The following NLGN4X variants were observed in gnomAD, a reference collection of about 807,000 sequenced individuals.
NLGN4X encodes neuroligin-4, X-linked.
A neutral mutation model predicts 40.3 loss-of-function variants in NLGN4X; 3 were observed. That is an observed-to-expected ratio of 0.07 (90% CI 0.03 to 0.19). NLGN4X has a LOEUF of 0.19. Ranked by LOEUF, NLGN4X falls within the 10% of genes least tolerant of loss-of-function variation. The pLI is 1.00. For missense variants in NLGN4X, 382 were observed against 708.3 expected (o/e 0.54, Z 5.23); for synonymous variants, 270 against 306.8 (o/e 0.88, Z 1.25).
chrX:5,941,951 T>C (rs1006986771), intron 3 of NLGN4X, among the ~76,000 whole-genome samples: 2 of 111,969 alleles, frequency 1.8e-5, no homozygotes, highest in African/African-American at 6.5e-5. Flanking sequence ...TGTTGAGTCT[T>C]TTAAATTAAA....
At chrX:6,047,977 G>A (rs1412224093) in intron 2 of NLGN4X, among the ~76,000 whole-genome samples, 1 of 111,444 alleles carries the variant, frequency 9.0e-6, no homozygotes, top group Admixed American at 9.5e-5. Flanking sequence ...GAAAGCCTGG[G>A]CCCCTGGAAG....
intron 1 of NLGN4X, among the ~76,000 whole-genome samples, chrX:6,178,824 CT>C (rs1415842005): frequency 1.8e-5 from 2 of 111,269 alleles, no homozygotes; most frequent in African/African-American, 6.6e-5. Context: ...TACTACGTGG[CT>C]GGGCGTGGCG....
At chrX:6,048,131 T>A (rs752744139) in intron 2 of NLGN4X, among the ~76,000 whole-genome samples, 1 of 111,761 alleles carries the variant, frequency 8.9e-6, no homozygotes, top group African/African-American at 3.3e-5. Context: ...CTCTGTGAAA[T>A]GTCTTTATGA....
At position 5,968,483 on chromosome X, in the gene NLGN4X, G is replaced by C. The variant is rs1481774093; in HGVS notation, c.626-59244C>G. On this transcript the variant is annotated intron_variant, in intron 3 of 5. Coordinates refer to ENST00000381095, the MANE Select transcript of NLGN4X (RefSeq NM_181332.3). ...TGTGTGTGTGTGTGTGTGTGTGTGTGTGTGTGTGTGTGTGTGTGTGTGTGT... is the reference window on the plus strand; with the variant it reads ...TGTGTGTGTGTGTGTGTGTGTGTGTCTGTGTGTGTGTGTGTGTGTGTGTGT... Among the ~76,000 whole-genome samples the C allele has an allele frequency of 2.1e-4, 18 of 84,733 alleles. 1 individual carries two copies. Among genetic ancestry groups the C allele is most frequent in the South Asian group, 7.2e-4 (1 of 1,385 alleles). The allele number at this position is 84,733 out of a possible 115,157, so 73.6% of individuals were successfully genotyped here. A position where few individuals can be genotyped will look rare whatever the true frequency, so the allele number is the denominator to read the frequency against.
At chrX:6,081,323 C>T (rs754062282) in intron 2 of NLGN4X, among the ~76,000 whole-genome samples, 1 of 111,819 alleles carries the variant, frequency 8.9e-6, no homozygotes, top group East Asian at 2.8e-4. Flanking sequence ...CATTATGTTG[C>T]CTGGGCTGGT....
At chrX:5,982,864 C>A (rs6638586) in intron 3 of NLGN4X, among the ~76,000 whole-genome samples, 7,537 of 111,443 alleles carry the variant, frequency 0.068, 636 homozygotes, top group African/African-American at 0.23. Flanking sequence ...TCTCAAAACA[C>A]AATACAAACA....
At chrX:6,199,658 C>G (rs1041709393) in intron 1 of NLGN4X, among the ~76,000 whole-genome samples, 2 of 111,734 alleles carry the variant, frequency 1.8e-5, no homozygotes, top group African/African-American at 6.5e-5. Flanking sequence ...CCTGAACTTT[C>G]TTAGACTGCA....
intron 3 of NLGN4X, among the ~76,000 whole-genome samples, chrX:6,009,779 GT>G (rs1210345746): frequency 8.9e-6 from 1 of 112,222 alleles, no homozygotes; most frequent in Non-Finnish European, 1.9e-5. Context: ...AATGTGGTTG[GT>G]TGTCCAGGCC....
chrX:5,963,888 A>T (rs1485857731), intron 3 of NLGN4X, among the ~76,000 whole-genome samples: 1 of 111,893 alleles, frequency 8.9e-6, no homozygotes, highest in Non-Finnish European at 1.9e-5. Flanking sequence ...TCTATAAAAA[A>T]CCCAAGCATT....
intron 2 of NLGN4X, among the ~76,000 whole-genome samples, chrX:6,135,815 C>A (rs1189997467): frequency 8.9e-6 from 1 of 111,763 alleles, no homozygotes; most frequent in Admixed American, 9.5e-5. Flanking sequence ...AACATGGCGC[C>A]AAAGTGCCAG....
chrX:6,021,379 G>C (rs1031261442), intron 3 of NLGN4X, among the ~76,000 whole-genome samples: 2 of 110,471 alleles, frequency 1.8e-5, no homozygotes, highest in East Asian at 2.9e-4. Flanking sequence ...CCTGGTGAGA[G>C]AGTCCTTATC....
intron 2 of NLGN4X, among the ~76,000 whole-genome samples, chrX:6,080,611 T>A (rs1039253240): frequency 9.0e-6 from 1 of 111,452 alleles, no homozygotes; most frequent in African/African-American, 3.3e-5. Flanking sequence ...TTTCACACCA[T>A]AATTAGCTTC....
chrX:6,111,576 T>C (rs1290836009), intron 2 of NLGN4X, among the ~76,000 whole-genome samples: 3 of 110,809 alleles, frequency 2.7e-5, no homozygotes, highest in Non-Finnish European at 3.8e-5. Flanking sequence ...TCATCGCTAC[T>C]AAAAATTAAA....
chrX:6,226,148 CCCGGCGCACCGCAGGG>C (rs1569309800), intron 1 of NLGN4X, among the ~76,000 whole-genome samples: 12 of 107,984 alleles, frequency 1.1e-4, no homozygotes, highest in Admixed American at 5.8e-4. Context: ...AGTTGCAAGC[CCCGGCGCACCGCAGGG>C]GCCAAAACCC....
Position 5,892,715 on chromosome X carries a change from C to T in NLGN4X, c.*102G>A, listed in dbSNP as rs3810688. 0.32 allele frequency: 350,743 copies of T among 1,112,611 alleles called. 41,117 individuals are homozygous for T. Among genetic ancestry groups the T allele is most frequent in the African/African-American group, 0.61 (33,168 of 54,417 alleles). 91.7% of individuals were successfully genotyped at this position (1,112,611 alleles called of 1,213,427 possible). ...TCAGTGGGACAAAAACATTCCTGGT[C>T]TGGAGACTTTCTTTCTCTCTCTCTT... On this transcript the variant is annotated 3_prime_UTR_variant, in exon 6 of 6. Coordinates refer to ENST00000381095, the MANE Select transcript of NLGN4X (RefSeq NM_181332.3).
intron 3 of NLGN4X, among the ~76,000 whole-genome samples, chrX:5,990,080 CT>C (rs2035640294): frequency 6.5e-5 from 1 of 15,375 alleles, no homozygotes; most frequent in Non-Finnish European, 1.7e-4. Context: ...CTATTTTCCT[CT>C]CTCTCTCTCT....
intron 3 of NLGN4X, among the ~76,000 whole-genome samples, chrX:5,959,308 A>C (rs1157509371): frequency 4.4e-5 from 5 of 112,393 alleles, no homozygotes; most frequent in African/African-American, 1.6e-4. Flanking sequence ...TCAAAGGCAT[A>C]GGCATTTCTG....
At chrX:5,908,719 G>T (rs141400560) in intron 4 of NLGN4X, among the ~76,000 whole-genome samples, 2 of 111,445 alleles carry the variant, frequency 1.8e-5, no homozygotes, top group African/African-American at 6.5e-5. Context: ...GACCAGCCCA[G>T]GCAAACATAG....
At chrX:6,210,042 C>T (rs1318965303) in intron 1 of NLGN4X, among the ~76,000 whole-genome samples, 1 of 110,669 alleles carries the variant, frequency 9.0e-6, no homozygotes, top group Non-Finnish European at 1.9e-5. Flanking sequence ...TCTGTAGAAA[C>T]GCGGTCTCAT....
Sources: allele counts gnomAD v4.1 joint callset (sites outside exome capture counted in the v4.1 genomes callset), GRCh38; gene constraint gnomAD v4.1.1; transcripts MANE v1.5; gene names NCBI Gene and HGNC (gene_info 2026-07-23, HGNC 2026-07-21).